Variants in PTPRB observed in about 807,000 individuals in gnomAD.
PTPRB encodes protein tyrosine phosphatase receptor type B.
Under a neutral mutation model 238.1 loss-of-function variants are expected in PTPRB, and 97 were observed. That is an observed-to-expected ratio of 0.41 (90% CI 0.35 to 0.48). PTPRB has a LOEUF of 0.48. Ranked by LOEUF, PTPRB falls within the 20% of genes least tolerant of loss-of-function variation. The pLI, the probability that PTPRB is intolerant of heterozygous loss-of-function variation, is 0.30. For missense variants in PTPRB, 2,292 were observed against 2,681.9 expected, an observed-to-expected ratio of 0.85 and a Z score of 3.21; for synonymous variants, 970 against 995.4, an observed-to-expected ratio of 0.97 and a Z score of 0.48.
At chr12:70,611,747 G>A (rs1474173586) in intron 3 of PTPRB, among the ~76,000 whole-genome samples, 1 of 152,150 alleles carries the variant, frequency 6.6e-6, no homozygotes, top group African/African-American at 2.4e-5. Flanking sequence ...ACTCAAAGAA[G>A]GTCAAACCTA....
chr12:70,605,281 T>A (rs1883851470), intron 4 of PTPRB, among the ~76,000 whole-genome samples: 2 of 152,224 alleles, frequency 1.3e-5, no homozygotes, highest in African/African-American at 4.8e-5. Flanking sequence ...TTTTAGTATA[T>A]GTACATTCTC....
At chr12:70,616,184 C>CCCT (rs139201546) in intron 3 of PTPRB, among the ~76,000 whole-genome samples, 3,034 of 152,114 alleles carry the variant, frequency 0.02, 97 homozygotes, top group African/African-American at 0.068. Flanking sequence ...GCTCATGTGA[C>CCCT]CCTCCTGCCT....
chr12:70,630,353 T>C (rs1445005042), intron 2 of PTPRB, among the ~76,000 whole-genome samples: 1 of 152,156 alleles, frequency 6.6e-6, no homozygotes, highest in Non-Finnish European at 1.5e-5. Context: ...AAAAAGCCTT[T>C]GACAAAATCC....
intron 5 of PTPRB, among the ~76,000 whole-genome samples, chr12:70,595,848 C>T (rs1326441934): frequency 6.6e-6 from 1 of 152,154 alleles, no homozygotes; most frequent in African/African-American, 2.4e-5. Context: ...CAAAACCACT[C>T]AACAAGTTAC....
chr12:70,587,467 A>C (rs952268816), intron 8 of PTPRB, among the ~76,000 whole-genome samples, 200 bp from the exon 9 acceptor site: 4 of 152,230 alleles, frequency 2.6e-5, no homozygotes, highest in African/African-American at 9.6e-5. Context: ...ACTCAATTAG[A>C]AAACATCTTG....
At chr12:70,543,934 G>A (rs1232055331) in intron 22 of PTPRB, among the ~76,000 whole-genome samples, 1 of 152,168 alleles carries the variant, frequency 6.6e-6, no homozygotes, top group Non-Finnish European at 1.5e-5. Flanking sequence ...GTTATCCCAT[G>A]TAAAATGCTT....
At chr12:70,535,403 G>A (rs766710158) in intron 29 of PTPRB, among the ~76,000 whole-genome samples, 6 of 151,944 alleles carry the variant, frequency 3.9e-5, no homozygotes, top group Non-Finnish European at 5.9e-5. Flanking sequence ...AACGTGGGCC[G>A]TGTGCCAAGA....
intron 22 of PTPRB, chr12:70,541,210 T>A (rs1875051411): frequency 3.0e-6 from 1 of 328,934 alleles, no homozygotes; most frequent in African/African-American, 2.1e-5. Context: ...TTGCATAGCT[T>A]ATAGAGGAAT....
At chr12:70,571,368 C>A in intron 12 of PTPRB, 79 bp from the exon 13 acceptor site, 1 of 1,363,980 alleles carries the variant, frequency 7.3e-7, no homozygotes, top group South Asian at 1.4e-5. Flanking sequence ...GAATCACATT[C>A]AAGGAACTGG....
intron 32 of PTPRB, among the ~76,000 whole-genome samples, chr12:70,525,859 C>T (rs1367082357): frequency 6.6e-6 from 1 of 152,200 alleles, no homozygotes; most frequent in East Asian, 1.9e-4. Flanking sequence ...TCCCAGTTTC[C>T]CCACTTATTA....
At chr12:70,521,869 A>C (rs1871696483) in intron 33 of PTPRB, among the ~76,000 whole-genome samples, 1 of 152,186 alleles carries the variant, frequency 6.6e-6, no homozygotes, top group African/African-American at 2.4e-5. Context: ...TACCATAGTT[A>C]GCTTCTTTCA....
chr12:70,630,186 C>T (rs1042384042), intron 2 of PTPRB, among the ~76,000 whole-genome samples: 2 of 152,082 alleles, frequency 1.3e-5, no homozygotes, highest in Admixed American at 6.6e-5. Context: ...ACTGGCAAAC[C>T]GAATCCAGCA....
intron 21 of PTPRB, among the ~76,000 whole-genome samples, chr12:70,546,250 A>G (rs1875961405): frequency 1.3e-5 from 2 of 152,166 alleles, no homozygotes; most frequent in African/African-American, 2.4e-5. Context: ...TGACACTGGC[A>G]TTATTCCAGT....
intron 10 of PTPRB, among the ~76,000 whole-genome samples, chr12:70,577,957 C>T (rs1310916326): frequency 1.3e-5 from 2 of 152,106 alleles, no homozygotes; most frequent in Non-Finnish European, 2.9e-5. Flanking sequence ...ACCATCTATA[C>T]ATCCTTTAGT....
chr12:70,634,638 G>T (rs79756571), intron 2 of PTPRB, among the ~76,000 whole-genome samples: 4,697 of 152,172 alleles, frequency 0.031, 98 homozygotes, highest in Non-Finnish European at 0.046. Flanking sequence ...GTGATTCTTA[G>T]GCAAGCCATG....
Position 70,637,272 on chromosome 12 carries a change from T to C in PTPRB, c.55+69A>G, listed in dbSNP as rs916027596. On this transcript the variant is annotated intron_variant, in intron 1 of 33. Transcript: ENST00000334414. ...CCCCTTCTACCTTATTTCAGACACT[T>C]CAAAGACCAGGGACTCCTTGGCTAG... 7.7e-6 allele frequency: 11 copies of C among 1,432,256 alleles called. No individual in the cohort carries two copies. The African/African-American group carries it at 1.4e-4, about 18-fold the overall frequency. The allele number at this position is 1,432,256 out of a possible 1,614,324, so 88.7% of individuals were successfully genotyped here.
At chr12:70,590,615 A>C (rs1032244437) in intron 7 of PTPRB, among the ~76,000 whole-genome samples, 2 of 107,862 alleles carry the variant, frequency 1.9e-5, no homozygotes, top group African/African-American at 6.6e-5. Flanking sequence ...TTTTTTGCTT[A>C]AAAACATTCA....
chr12:70,603,435 C>T (rs943042032), intron 4 of PTPRB, among the ~76,000 whole-genome samples: 1 of 152,136 alleles, frequency 6.6e-6, no homozygotes, highest in African/African-American at 2.4e-5. Context: ...AAGGACTTGA[C>T]TTTGAAAAAT....
chr12:70,637,236 T>C, intron 1 of PTPRB, 105 bp downstream of exon 1: 1 of 1,002,026 alleles, frequency 1.0e-6, no homozygotes, highest in Non-Finnish European at 1.5e-6. Context: ...TAAACTGCCA[T>C]GGAGACCTGG....
Sources: allele counts gnomAD v4.1 joint callset (sites outside exome capture counted in the v4.1 genomes callset), GRCh38; gene constraint gnomAD v4.1.1; transcripts MANE v1.5; gene names NCBI Gene and HGNC (gene_info 2026-07-23, HGNC 2026-07-21).